Variants in MSI2 observed in about 807,000 individuals in gnomAD.
MSI2 encodes musashi RNA binding protein 2.
In MSI2, 17 loss-of-function variants were observed where a neutral mutation model predicts 45.6. The observed-to-expected ratio is 0.37, with a 90% CI of 0.26 to 0.56. The LOEUF (loss-of-function observed/expected upper bound fraction) is 0.56, where lower values mean the gene tolerates loss of function less well. Among genes scored for constraint, MSI2 ranks in the 20% least tolerant of loss-of-function variants. MSI2 has a pLI of 0.77. For synonymous variants in MSI2, 156 were observed against 158.2 expected, an observed-to-expected ratio of 0.99 and a Z score of 0.11; for missense variants, 293 against 444.2, an observed-to-expected ratio of 0.66 and a Z score of 3.06.
chr17:57,422,868 G>C (rs989136376), intron 6 of MSI2, among the ~76,000 whole-genome samples: 1 of 152,160 alleles, frequency 6.6e-6, no homozygotes, highest in Non-Finnish European at 1.5e-5. Flanking sequence ...CTTACGAATG[G>C]GTGAGTCAGC....
chr17:57,608,086 C>T (rs1450694433), intron 8 of MSI2, among the ~76,000 whole-genome samples: 2 of 152,182 alleles, frequency 1.3e-5, no homozygotes, highest in African/African-American at 4.8e-5. Flanking sequence ...AGGGCTTGTA[C>T]CAGTGAGGGA....
At chr17:57,562,759 C>G (rs1364102332) in intron 7 of MSI2, among the ~76,000 whole-genome samples, 9 of 152,168 alleles carry the variant, frequency 5.9e-5, no homozygotes, top group Non-Finnish European at 1.3e-4. Context: ...AGAGATAAGT[C>G]TTGGTGTGTG....
chr17:57,668,869 A>G (rs1912569195), intron 11 of MSI2, among the ~76,000 whole-genome samples: 4 of 152,168 alleles, frequency 2.6e-5, no homozygotes, highest in African/African-American at 9.7e-5. Flanking sequence ...ATTGTGTATA[A>G]AATTGATTGT....
At chr17:57,575,154 CCCCGCCA>C (rs2087999516) in intron 7 of MSI2, among the ~76,000 whole-genome samples, 1 of 135,818 alleles carries the variant, frequency 7.4e-6, no homozygotes, top group African/African-American at 3.1e-5. Context: ...AACTCCCTCC[CCCCGCCA>C]CCCCCCGGCT....
chr17:57,438,349 G>A (rs564003053), intron 6 of MSI2, among the ~76,000 whole-genome samples: 102 of 152,246 alleles, frequency 6.7e-4, no homozygotes, highest in South Asian at 1.5e-3. Context: ...GGGGCTGGCC[G>A]CAGAGATAAG....
intron 6 of MSI2, among the ~76,000 whole-genome samples, chr17:57,447,183 C>A (rs1370121927): frequency 6.6e-6 from 1 of 152,200 alleles, no homozygotes; most frequent in African/African-American, 2.4e-5. Context: ...AACTCCTGGG[C>A]TCAAGTGATC....
chr17:57,540,402 G>T (rs914478065), intron 7 of MSI2, among the ~76,000 whole-genome samples: 3 of 152,150 alleles, frequency 2.0e-5, no homozygotes, highest in African/African-American at 7.2e-5. Context: ...CACCTTGAAG[G>T]GTGTTGTGGG....
chr17:57,358,741 T>A (rs1916618963), intron 5 of MSI2, among the ~76,000 whole-genome samples: 1 of 152,202 alleles, frequency 6.6e-6, no homozygotes, highest in Non-Finnish European at 1.5e-5. Flanking sequence ...AAAGAAGTGC[T>A]GATTTTCATT....
chr17:57,259,305 A>G (rs1310117029), intron 4 of MSI2, among the ~76,000 whole-genome samples: 2 of 152,174 alleles, frequency 1.3e-5, no homozygotes, highest in African/African-American at 4.8e-5. Context: ...GGGTAGTGGG[A>G]CAAGGCCAGA....
At chr17:57,547,715 T>C (rs1022984175) in intron 7 of MSI2, among the ~76,000 whole-genome samples, 4 of 150,548 alleles carry the variant, frequency 2.7e-5, no homozygotes, top group Non-Finnish European at 5.9e-5. Context: ...CATTTGGTGA[T>C]GTTTAGTAGT....
At chr17:57,376,082 T>C (rs1429589163) in intron 5 of MSI2, among the ~76,000 whole-genome samples, 1 of 152,148 alleles carries the variant, frequency 6.6e-6, no homozygotes, top group Non-Finnish European at 1.5e-5. Flanking sequence ...GTTCCTTCTC[T>C]CCAGTTTCCC....
Position 57,298,076 on chromosome 17 carries a change from A to AT in MSI2, c.312+35890dup, listed in dbSNP as rs575117526. 4.9e-4 allele frequency among the ~76,000 whole-genome samples: 74 copies of AT among 151,772 alleles called. 1 individual carries two copies. Among genetic ancestry groups the AT allele is most frequent in the African/African-American group, 1.7e-3 (69 of 41,346 alleles). The stretch of plus-strand genomic sequence containing the variant: ...TTTTTACTTTCTCCATAAGTCACAA[A>AT]TTTTTTAATGGCATCTAGAGTGGTG... On this transcript the variant is annotated intron_variant, in intron 5 of 13. Transcript: ENST00000284073.
At chr17:57,649,736 C>T (rs898604342) in intron 10 of MSI2, among the ~76,000 whole-genome samples, 1 of 152,118 alleles carries the variant, frequency 6.6e-6, no homozygotes, top group East Asian at 1.9e-4. Context: ...GGCTGGATGG[C>T]CTAATGGAAC....
At chr17:57,641,117 T>A (rs1910223304) in intron 10 of MSI2, among the ~76,000 whole-genome samples, 1 of 152,156 alleles carries the variant, frequency 6.6e-6, no homozygotes, top group African/African-American at 2.4e-5. Context: ...TGCTCCACAG[T>A]CTAGCAGTAA....
At chr17:57,676,283 C>T (rs1214880813) in intron 12 of MSI2, among the ~76,000 whole-genome samples, 2 of 152,162 alleles carry the variant, frequency 1.3e-5, no homozygotes, top group Non-Finnish European at 2.9e-5. Flanking sequence ...CACGCACACA[C>T]GCACACACAG....
At chr17:57,482,923 C>G (rs1270924385) in intron 6 of MSI2, among the ~76,000 whole-genome samples, 1 of 152,164 alleles carries the variant, frequency 6.6e-6, no homozygotes, top group Non-Finnish European at 1.5e-5. Flanking sequence ...TAGGAATTGA[C>G]TAAAAAGGAA....
chr17:57,465,640 A>T (rs2085316814), intron 6 of MSI2, among the ~76,000 whole-genome samples: 1 of 152,016 alleles, frequency 6.6e-6, no homozygotes, highest in African/African-American at 2.4e-5. Flanking sequence ...AGCCCATGGG[A>T]GGGTGGGTGC....
chr17:57,636,360 G>A (rs1040245305), intron 10 of MSI2, among the ~76,000 whole-genome samples: 2 of 152,206 alleles, frequency 1.3e-5, no homozygotes, highest in African/African-American at 4.8e-5. Context: ...CAAAAATGCT[G>A]CAGCTGCCAT....
chr17:57,396,938 A>C (rs1015935676), intron 5 of MSI2, among the ~76,000 whole-genome samples: 9 of 152,140 alleles, frequency 5.9e-5, no homozygotes, highest in Admixed American at 1.3e-4. Flanking sequence ...TGGTGTCTCT[A>C]ATGGTGGGAA....
Sources: gnomAD v4.1 joint callset for allele counts (sites outside exome capture counted in the v4.1 genomes callset) on GRCh38, gnomAD v4.1.1 for gene constraint, MANE v1.5 for transcripts, NCBI Gene and HGNC (gene_info 2026-07-23, HGNC 2026-07-21) for gene names.